The following JAK2 variants were observed in gnomAD, a reference collection of about 807,000 sequenced individuals.
The protein encoded by JAK2 is tyrosine-protein kinase JAK2.
A neutral mutation model predicts 139.3 loss-of-function variants in JAK2; 86 were observed. That is an observed-to-expected ratio of 0.62 (90% confidence interval 0.52 to 0.74). The LOEUF (loss-of-function observed/expected upper bound fraction) is 0.74. Ranked by LOEUF, JAK2 falls within the 30% of genes least tolerant of loss-of-function variation. The probability of loss-of-function intolerance (pLI) is 0.00; values close to 1 mark genes in which losing one functional copy is unlikely to be tolerated. For synonymous variants in JAK2, 490 were observed against 437.7 expected, an observed-to-expected ratio of 1.12 and a Z score of -1.49; for missense variants, 1,421 against 1,360.3, an observed-to-expected ratio of 1.04 and a Z score of -0.70.
At chr9:5,014,183 T>C (rs1340948047) in intron 2 of JAK2, among the ~76,000 whole-genome samples, 5 of 149,820 alleles carry the variant, frequency 3.3e-5, no homozygotes, top group African/African-American at 9.8e-5. Context: ...TTTTTTTTTT[T>C]CGTAGAGACA....
At chr9:5,017,895 C>A (rs950357572) in intron 2 of JAK2, among the ~76,000 whole-genome samples, 1 of 152,100 alleles carries the variant, frequency 6.6e-6, no homozygotes, top group African/African-American at 2.4e-5. Flanking sequence ...TACCTTGTCT[C>A]TTTACTGTTT....
chr9:4,993,870 G>C (rs111839764), intron 2 of JAK2, among the ~76,000 whole-genome samples: 1 of 152,176 alleles, frequency 6.6e-6, no homozygotes, highest in Non-Finnish European at 1.5e-5. Context: ...GGGTTTTTCC[G>C]GGTGCTCCAA....
Position 4,986,176 on chromosome 9 carries a change from T to C in JAK2, c.-26+154T>C, listed in dbSNP as rs554757672. 3.9e-5 allele frequency among the ~76,000 whole-genome samples: 6 copies of C among 152,344 alleles called. No individual in the cohort carries two copies. In the South Asian group the frequency reaches 1.2e-3, roughly 32 times the overall value. Reference sequence around the variant, plus strand: ...CAGTGCTAAACTTTTAATGTTGATCTGGGAGAGTAATTTTGGGGTGTTTTG... The same window carrying C: ...CAGTGCTAAACTTTTAATGTTGATCCGGGAGAGTAATTTTGGGGTGTTTTG... On this transcript the variant is annotated intron_variant, in intron 2 of 24. Coordinates refer to ENST00000381652, the MANE Select transcript of JAK2 (RefSeq NM_004972.4).
Position 5,026,932 on chromosome 9 carries a change from G to A in JAK2, c.227-2851G>A, listed in dbSNP as rs141839188. On this transcript the variant is annotated intron_variant, in intron 3 of 24. Transcript: ENST00000381652. The stretch of plus-strand genomic sequence containing the variant: ...CATTGTAAATTAAAATAGCCCAAAG[G>A]ACATAATTATTAATGTATTGTGTAA... Among the ~76,000 whole-genome samples the A allele has an allele frequency of 9.3e-3, 1,420 of 152,170 alleles. 16 individuals are homozygous for A. Among genetic ancestry groups the A allele is most frequent in the Middle Eastern group, 0.027 (8 of 294 alleles).
intron 2 of JAK2, among the ~76,000 whole-genome samples, chr9:4,995,610 G>C (rs1166154278): frequency 6.6e-6 from 1 of 152,166 alleles, no homozygotes; most frequent in Non-Finnish European, 1.5e-5. Flanking sequence ...TGGCTCCTCT[G>C]AAACCATATT....
chr9:5,044,737 G>T (rs933929979), intron 5 of JAK2, among the ~76,000 whole-genome samples: 6 of 152,100 alleles, frequency 3.9e-5, no homozygotes, highest in Non-Finnish European at 8.8e-5. Flanking sequence ...TTTTTGGACT[G>T]ATCCTTTTGA....
At chr9:5,029,397 T>C (rs1204600377) in intron 3 of JAK2, among the ~76,000 whole-genome samples, 4 of 152,174 alleles carry the variant, frequency 2.6e-5, no homozygotes, top group South Asian at 4.1e-4. Flanking sequence ...ATAACTGATA[T>C]AATAATAAAA....
intron 4 of JAK2, among the ~76,000 whole-genome samples, chr9:5,030,680 A>G (rs1823085407): frequency 6.6e-6 from 1 of 152,090 alleles, no homozygotes; most frequent in Non-Finnish European, 1.5e-5. Context: ...GTACTTCATT[A>G]AAGAGATAAT....
chr9:5,032,762 A>C (rs1481084823), intron 4 of JAK2, among the ~76,000 whole-genome samples: 1 of 152,226 alleles, frequency 6.6e-6, no homozygotes, highest in Non-Finnish European at 1.5e-5. Context: ...CCATCATCAA[A>C]GACAAAAGGT....
Position 5,065,058 on chromosome 9 carries a change from A to C in JAK2, c.1214+18A>C, listed in dbSNP as rs1364651204. 10 of 1,489,524 alleles carry C rather than the reference A, an allele frequency of 6.7e-6. No individual in the cohort carries two copies. Among genetic ancestry groups the C allele is most frequent in the Non-Finnish European group, 6.3e-6 (7 of 1,111,002 alleles). The allele number at this position is 1,489,524 out of a possible 1,614,324, so 92.3% of individuals were successfully genotyped here. On this transcript the variant is annotated intron_variant, in intron 9 of 24. Transcript: ENST00000381652. ...CCAATTTCGTGAGTAATACAGACTT[A>C]AAAGTAAATTTTTAGAAAAGTAAAT...
chr9:5,056,606 G>A (rs1056256500), intron 8 of JAK2, among the ~76,000 whole-genome samples: 167 of 152,168 alleles, frequency 1.1e-3, no homozygotes, highest in African/African-American at 3.1e-3. Flanking sequence ...GCCTTTTGAA[G>A]GTAAGGATCA....
chr9:5,037,527 A>T (rs1816146224), intron 4 of JAK2, among the ~76,000 whole-genome samples: 1 of 152,240 alleles, frequency 6.6e-6, no homozygotes, highest in Non-Finnish European at 1.5e-5. Flanking sequence ...CTGTGCAGCC[A>T]TGAAAAATGA....
chr9:5,039,293 AGTT>A (rs1465904923), intron 4 of JAK2, among the ~76,000 whole-genome samples: 1 of 152,132 alleles, frequency 6.6e-6, no homozygotes, highest in Non-Finnish European at 1.5e-5. Context: ...TTGGAAAAAA[AGTT>A]GTGCTTACAC....
At chr9:5,023,653 G>A (rs1025446412) in intron 3 of JAK2, among the ~76,000 whole-genome samples, 5 of 152,210 alleles carry the variant, frequency 3.3e-5, no homozygotes, top group East Asian at 3.9e-4. Context: ...TGCCAATCCC[G>A]GCTGGGCAGG....
rs77568837 is a variant in JAK2, at chr9:5,010,042, G to C, written c.-25-11921G>C. Among the ~76,000 whole-genome samples the C allele has an allele frequency of 1.6e-3, 241 of 152,284 alleles. 2 individuals carry two copies. In the East Asian group the frequency reaches 0.021, roughly 14 times the overall value. On this transcript the variant is annotated intron_variant, in intron 2 of 24. Transcript: ENST00000381652. Reference sequence around the variant, plus strand: ...TCGCCTTGGACTTCCAAATTGCTGGGATTGGAGGCATGAGCCATCGCACCT... The same window carrying C: ...TCGCCTTGGACTTCCAAATTGCTGGCATTGGAGGCATGAGCCATCGCACCT...
chr9:5,098,275 G>T (rs1161857882), intron 22 of JAK2: 1 of 152,120 alleles, frequency 6.6e-6, no homozygotes, highest in Admixed American at 6.5e-5. Context: ...TTCTCGATAA[G>T]ATATTAGCAA....
intron 22 of JAK2, among the ~76,000 whole-genome samples, chr9:5,117,251 T>C (rs1823263977): frequency 6.6e-6 from 1 of 152,250 alleles, no homozygotes. Flanking sequence ...TACTCTGTTA[T>C]AGCAGCATAC....
intron 9 of JAK2, 109 bp downstream of exon 9, chr9:5,065,149 G>GT (rs903436991): frequency 8.1e-5 from 52 of 642,746 alleles, no homozygotes; most frequent in Middle Eastern, 4.6e-4. Flanking sequence ...AATTTGACAA[G>GT]TTTTTTTTAA....
chr9:5,013,993 A>T (rs1821883477), intron 2 of JAK2, among the ~76,000 whole-genome samples: 1 of 152,216 alleles, frequency 6.6e-6, no homozygotes, highest in East Asian at 1.9e-4. Flanking sequence ...AATCTACTGC[A>T]TTACTTCTTC....
Sources: gnomAD v4.1 joint callset for allele counts (sites outside exome capture counted in the v4.1 genomes callset) on GRCh38, gnomAD v4.1.1 for gene constraint, MANE v1.5 for transcripts, NCBI Gene and HGNC (gene_info 2026-07-23, HGNC 2026-07-21) for gene names.